Variants in SOCS2 observed in about 807,000 individuals in gnomAD.
SOCS2 encodes the protein CIS-2.
A neutral mutation model predicts 18.6 loss-of-function variants in SOCS2; 10 were observed. That is an observed-to-expected ratio of 0.54 (90% CI 0.33 to 0.91). The LOEUF is 0.91. Among genes scored for constraint, SOCS2 ranks in the 40% least tolerant of loss-of-function variants. The probability of loss-of-function intolerance (pLI) is 0.02; values close to 1 mark genes in which losing one functional copy is unlikely to be tolerated. For missense variants in SOCS2, 231 were observed against 247.2 expected (o/e 0.93, Z 0.44); for synonymous variants, 104 against 104.0 (o/e 1.00, Z 0.00).
the SOCS2 span, among the ~76,000 whole-genome samples, chr12:93,597,943 C>T: frequency 2.0e-5 from 3 of 152,176 alleles, no homozygotes; most frequent in African/African-American, 7.2e-5. Context: ...TAAAAATTCA[C>T]ATAAGTCAAC....
the SOCS2 span, among the ~76,000 whole-genome samples, chr12:93,610,827 T>C: frequency 1.3e-5 from 2 of 152,212 alleles, no homozygotes; most frequent in African/African-American, 2.4e-5. Context: ...AATCTTGGAC[T>C]TCTCAGCCTC....
chr12:93,572,895 C>T lies in SOCS2; in HGVS notation c.-3C>T. ...CTGTCTTTGCCGCGGTGACCCTTCT[C>T]TCATGACCCTGCGGTGCCTTGAGCC... On this transcript the variant is annotated 5_prime_UTR_variant, in exon 1 of 2. Transcript: ENST00000551556. This position sits in a 1 kb window ranked among gnomAD's most constrained non-coding sequence, Gnocchi z 5.0. 1 of 1,573,444 alleles carries T rather than the reference C, an allele frequency of 6.4e-7. No individual in the cohort carries two copies. The highest frequency in any genetic ancestry group is 1.2e-5 in the South Asian group (1 of 85,700).
rs1254138047 is a variant in SOCS2, at chr12:93,574,918, C to G, written c.336C>G (p.Val112=). The G allele has an allele frequency of 6.2e-7, 1 of 1,614,192 alleles. No individual in the cohort carries two copies. ...GKFRLDSIIC[V]KSKLKQFDSV... ...TCAGATTGGACTCTATCATATGTGT[C>G]AAATCCAAGCTTAAACAATTTGACA... The change falls in exon 2 of 2, where the codon GTC becomes GTG. Residue 112 remains valine, a synonymous_variant. Transcript: ENST00000551556.
At chr12:93,578,682 GCACACACACACA>G (rs10594657), downstream of SOCS2, among the ~76,000 whole-genome samples, 1 of 146,560 alleles carries the variant, frequency 6.8e-6, no homozygotes, top group South Asian at 2.2e-4. Flanking sequence ...TTGCATGCTC[GCACACACACACA>G]CACACACACA....
At chr12:93,594,896 A>G in the SOCS2 span, among the ~76,000 whole-genome samples, 1 of 152,224 alleles carries the variant, frequency 6.6e-6, no homozygotes, top group Non-Finnish European at 1.5e-5. Context: ...CATTTTGTTA[A>G]TACATCGAAT....
chr12:93,578,905 C>CT (rs1954501259), downstream of SOCS2, among the ~76,000 whole-genome samples: 1 of 152,214 alleles, frequency 6.6e-6, no homozygotes, highest in Admixed American at 6.5e-5. Flanking sequence ...GAAGCCAGGC[C>CT]TGTGGAATAC....
the SOCS2 span, among the ~76,000 whole-genome samples, chr12:93,596,506 C>T: frequency 2.0e-5 from 3 of 152,144 alleles, no homozygotes; most frequent in African/African-American, 7.2e-5. Context: ...GACCCAGGCC[C>T]ATGCATTTGA....
At chr12:93,592,978 A>C in the SOCS2 span, among the ~76,000 whole-genome samples, 1 of 148,774 alleles carries the variant, frequency 6.7e-6, no homozygotes, top group Non-Finnish European at 1.5e-5. Flanking sequence ...GTTCTGTTCA[A>C]AGGACATCGA....
chr12:93,613,558 C>T, the SOCS2 span, among the ~76,000 whole-genome samples: 1 of 152,138 alleles, frequency 6.6e-6, no homozygotes, highest in African/African-American at 2.4e-5. Context: ...ATTTGTTAAC[C>T]AGCTCACAGA....
the SOCS2 span, among the ~76,000 whole-genome samples, chr12:93,617,046 G>C: frequency 3.3e-5 from 5 of 152,296 alleles, no homozygotes; most frequent in Non-Finnish European, 1.5e-5. Flanking sequence ...GTACTACCGA[G>C]GTGGCTGTGC....
chr12:93,621,154 A>ATCAT, the SOCS2 span, among the ~76,000 whole-genome samples: 2 of 152,240 alleles, frequency 1.3e-5, no homozygotes, highest in East Asian at 3.8e-4. Context: ...GATTCCATGT[A>ATCAT]TCATTATACT....
chr12:93,621,488 C>G, the SOCS2 span, among the ~76,000 whole-genome samples: 2 of 152,118 alleles, frequency 1.3e-5, no homozygotes, highest in East Asian at 3.9e-4. Context: ...TAACTTCTCT[C>G]TCTCCTTTTT....
chr12:93,622,436 A>C, the SOCS2 span, among the ~76,000 whole-genome samples: 1 of 152,168 alleles, frequency 6.6e-6, no homozygotes, highest in South Asian at 2.1e-4. Flanking sequence ...CTCTGACATC[A>C]TTGGCATGTC....
At chr12:93,579,490 G>C (rs138510220), downstream of SOCS2, among the ~76,000 whole-genome samples, 11 of 152,090 alleles carry the variant, frequency 7.2e-5, no homozygotes, top group African/African-American at 2.7e-4. Flanking sequence ...AGTATGGCAG[G>C]CTCCTTTTTC....
chr12:93,603,744 G>T, the SOCS2 span, among the ~76,000 whole-genome samples: 6 of 152,122 alleles, frequency 3.9e-5, no homozygotes, highest in Non-Finnish European at 8.8e-5. Context: ...AATTTAAAGG[G>T]CACGCAGCAG....
the SOCS2 span, among the ~76,000 whole-genome samples, chr12:93,604,413 T>C: frequency 6.6e-6 from 1 of 152,190 alleles, no homozygotes; most frequent in South Asian, 2.1e-4. Context: ...CTAATATTTT[T>C]ATGCTTGAGT....
chr12:93,585,838 A>G (rs1954581685), downstream of SOCS2, among the ~76,000 whole-genome samples: 1 of 152,134 alleles, frequency 6.6e-6, no homozygotes, highest in Non-Finnish European at 1.5e-5. Context: ...AAGCCCTGCC[A>G]AGGATACCAA....
the SOCS2 span, among the ~76,000 whole-genome samples, chr12:93,610,306 C>T: frequency 6.6e-6 from 1 of 152,146 alleles, no homozygotes; most frequent in African/African-American, 2.4e-5. Flanking sequence ...CCAGGACACC[C>T]CTCAGTCCCG....
the SOCS2 span, among the ~76,000 whole-genome samples, chr12:93,592,889 T>G: frequency 6.6e-6 from 1 of 150,588 alleles, no homozygotes; most frequent in East Asian, 2.0e-4. Context: ...CAGCTGTCTT[T>G]AAAAACCCTA....
Sources: gnomAD v4.1 joint callset for allele counts (sites outside exome capture counted in the v4.1 genomes callset) on GRCh38, gnomAD v4.1.1 for gene constraint, Gnocchi (gnomAD v3.1) non-coding constraint, MANE v1.5 for transcripts, NCBI Gene and HGNC (gene_info 2026-07-23, HGNC 2026-07-21) for gene names.